Variants in SEMA3A observed in about 807,000 individuals in gnomAD.
SEMA3A encodes semaphorin-3A.
In SEMA3A, 29 loss-of-function variants were observed where a neutral mutation model predicts 97.9. The ratio of observed to expected loss-of-function variants is 0.30; its 90% CI spans 0.22 to 0.40. The LOEUF (loss-of-function observed/expected upper bound fraction) is 0.40, where lower values mean the gene tolerates loss of function less well. Ranked by LOEUF, SEMA3A falls within the 10% of genes least tolerant of loss-of-function variation. SEMA3A has a pLI of 1.00. For synonymous variants in SEMA3A, 321 were observed against 323.7 expected (o/e 0.99, Z 0.09); for missense variants, 763 against 951.3 (o/e 0.80, Z 2.60).
intron 4 of SEMA3A, among the ~76,000 whole-genome samples, chr7:84,085,001 C>T (rs1234823394): frequency 6.6e-6 from 1 of 152,010 alleles, no homozygotes; most frequent in East Asian, 1.9e-4. Flanking sequence ...CCTAAAATAT[C>T]CTGTTGCTTA....
chr7:84,052,197 C>A (rs1305630842), intron 5 of SEMA3A, among the ~76,000 whole-genome samples: 6 of 151,814 alleles, frequency 4.0e-5, no homozygotes, highest in Non-Finnish European at 8.8e-5. Flanking sequence ...CTCTGCCTGG[C>A]TTTGGTATCA....
chr7:84,022,213 C>A (rs1791356171), intron 6 of SEMA3A, among the ~76,000 whole-genome samples: 1 of 152,084 alleles, frequency 6.6e-6, no homozygotes, highest in African/African-American at 2.4e-5. Flanking sequence ...GCCTTGTCAT[C>A]AAAAACTCCC....
chr7:84,467,070 T>C (rs1806017040), intron 1 of SEMA3A, among the ~76,000 whole-genome samples: 1 of 152,136 alleles, frequency 6.6e-6, no homozygotes, highest in Non-Finnish European at 1.5e-5. Context: ...GGTATGTAGT[T>C]GAAGTTTCAA....
chr7:84,203,523 TATA>T (rs1407253390), intron 3 of SEMA3A, among the ~76,000 whole-genome samples: 7 of 70,992 alleles, frequency 9.9e-5, no homozygotes, highest in African/African-American at 1.7e-4. Context: ...TATATATATA[TATA>T]TTTTTTTTTT....
chr7:83,978,892 G>A (rs1789278413), intron 14 of SEMA3A, among the ~76,000 whole-genome samples: 1 of 152,084 alleles, frequency 6.6e-6, no homozygotes, highest in Non-Finnish European at 1.5e-5. Flanking sequence ...AAATCTGTAA[G>A]GCATAACAAA....
intron 4 of SEMA3A, among the ~76,000 whole-genome samples, chr7:84,087,472 TC>T (rs1794417943): frequency 6.6e-6 from 1 of 152,152 alleles, no homozygotes; most frequent in Non-Finnish European, 1.5e-5. Context: ...CCACCATTAG[TC>T]CTCTGGTGCT....
intron 4 of SEMA3A, among the ~76,000 whole-genome samples, chr7:84,103,125 G>A (rs964434880): frequency 2.0e-5 from 3 of 152,058 alleles, no homozygotes; most frequent in African/African-American, 7.2e-5. Context: ...CATAGTCCTA[G>A]TACCCAGAAG....
At chr7:84,028,605 AATTT>A (rs1294618812) in intron 6 of SEMA3A, among the ~76,000 whole-genome samples, 3 of 132,948 alleles carry the variant, frequency 2.3e-5, no homozygotes, top group Non-Finnish European at 3.2e-5. Context: ...TTGTTTGTTT[AATTT>A]ATTTATTTAT....
chr7:84,441,544 A>T (rs148259358), intron 1 of SEMA3A, among the ~76,000 whole-genome samples: 3 of 152,082 alleles, frequency 2.0e-5, no homozygotes, highest in Non-Finnish European at 1.5e-5. Context: ...ACAATGCCTT[A>T]GAGACCTATA....
At chr7:84,324,617 C>A (rs943899384) in intron 2 of SEMA3A, among the ~76,000 whole-genome samples, 7 of 152,008 alleles carry the variant, frequency 4.6e-5, no homozygotes, top group African/African-American at 1.7e-4. Flanking sequence ...CTCTAGATAA[C>A]AAAATATGTA....
chr7:84,363,168 C>T (rs987567752), intron 2 of SEMA3A, among the ~76,000 whole-genome samples: 9 of 151,830 alleles, frequency 5.9e-5, no homozygotes, highest in Non-Finnish European at 1.2e-4. Flanking sequence ...TCCTGACACA[C>T]CTTATTTAAA....
chr7:84,005,950 A>AAAAT (rs1790650063), intron 10 of SEMA3A, among the ~76,000 whole-genome samples: 3 of 152,294 alleles, frequency 2.0e-5, no homozygotes, highest in African/African-American at 7.2e-5. Flanking sequence ...ATCTGTCTCA[A>AAAAT]AAATAAAATA....
intron 1 of SEMA3A, among the ~76,000 whole-genome samples, chr7:84,377,133 AATAGTTTC>A (rs1211581401): frequency 6.6e-6 from 1 of 152,158 alleles, no homozygotes; most frequent in African/African-American, 2.4e-5. Flanking sequence ...GTTTTCTTCT[AATAGTTTC>A]ATAGTTTCAG....
At chr7:84,258,652 T>G (rs1017837367) in intron 3 of SEMA3A, among the ~76,000 whole-genome samples, 1 of 152,192 alleles carries the variant, frequency 6.6e-6, no homozygotes, top group Non-Finnish European at 1.5e-5. Flanking sequence ...CAGGTCACAA[T>G]GCATATTTGC....
intron 3 of SEMA3A, among the ~76,000 whole-genome samples, chr7:84,278,626 A>G (rs1022764777): frequency 3.9e-5 from 6 of 152,154 alleles, no homozygotes; most frequent in Admixed American, 3.3e-4. Flanking sequence ...GGTCTCAGGA[A>G]ACTTACAATC....
chr7:83,978,238 TGAGA>T (rs767973574), intron 14 of SEMA3A, among the ~76,000 whole-genome samples: 12 of 152,104 alleles, frequency 7.9e-5, no homozygotes, highest in Admixed American at 1.3e-4. Flanking sequence ...GCCAGAGGAA[TGAGA>T]GAGAGAATAA....
chr7:84,323,944 C>T (rs1472573981), intron 2 of SEMA3A, among the ~76,000 whole-genome samples: 2 of 152,080 alleles, frequency 1.3e-5, no homozygotes, highest in African/African-American at 4.8e-5. Context: ...TCTGTTTATT[C>T]TCTTCTAGAG....
chr7:84,408,037 A>T (rs970081865), intron 1 of SEMA3A, among the ~76,000 whole-genome samples: 1 of 152,220 alleles, frequency 6.6e-6, no homozygotes, highest in African/African-American at 2.4e-5. Context: ...GCCAAAATTG[A>T]CAAATGGGAT....
At chr7:84,277,156 CTT>C (rs1420321281) in intron 3 of SEMA3A, among the ~76,000 whole-genome samples, 4 of 152,062 alleles carry the variant, frequency 2.6e-5, no homozygotes, top group Non-Finnish European at 2.9e-5. Flanking sequence ...ATGATGAAGT[CTT>C]TTTTGAAAAT....
Sources: allele counts gnomAD v4.1 joint callset (sites outside exome capture counted in the v4.1 genomes callset), GRCh38; gene constraint gnomAD v4.1.1; transcripts MANE v1.5; gene names NCBI Gene and HGNC (gene_info 2026-07-23, HGNC 2026-07-21).